The following LRRK2 variants were observed in gnomAD, a reference collection of about 807,000 sequenced individuals.
LRRK2 encodes the protein leucine rich repeat kinase 2, also known as leucine-rich repeat serine/threonine-protein kinase 2.
In LRRK2, 203 loss-of-function variants were observed where a neutral mutation model predicts 302.6. The ratio of observed to expected loss-of-function variants is 0.67; its 90% CI spans 0.60 to 0.75. The LOEUF is 0.75. Ranked by LOEUF, LRRK2 falls within the 30% of genes least tolerant of loss-of-function variation. LRRK2 has a pLI of 0.00. For synonymous variants in LRRK2, 1,066 were observed against 1,031.9 expected (o/e 1.03, Z -0.63); for missense variants, 2,830 against 2,951.0 (o/e 0.96, Z 0.95).
Position 40,235,769 on chromosome 12 carries a change from C to CATTAAGTAA in LRRK2, c.436+58_436+66dup, listed in dbSNP as rs1305677084. The CATTAAGTAA allele has an allele frequency of 2.0e-5, 19 of 942,172 alleles. No homozygotes were observed. The Admixed American group carries it at 3.4e-4, about 17-fold the overall frequency. The allele number at this position is 942,172 out of a possible 1,614,324, so 58.4% of individuals were successfully genotyped here. On this transcript the variant is annotated intron_variant, in intron 4 of 50. Coordinates refer to ENST00000298910, the MANE Select transcript of LRRK2 (RefSeq NM_198578.4). ...TTCAAATTAAAAAAAAAGTTGATACCATTAAGTAAATGTGTGTGTGTGTGT... is the reference window on the plus strand; with the variant it reads ...TTCAAATTAAAAAAAAAGTTGATACCATTAAGTAAATTAAGTAAATGTGTGTGTGTGTGT...
intron 13 of LRRK2, among the ~76,000 whole-genome samples, chr12:40,263,467 C>T (rs1051429383): frequency 8.5e-5 from 13 of 152,152 alleles, no homozygotes; most frequent in African/African-American, 3.1e-4. Flanking sequence ...GCATAAAAAT[C>T]TTCCAGCATC....
At chr12:40,357,655 C>T (rs1946580118) in intron 46 of LRRK2, among the ~76,000 whole-genome samples, 1 of 152,024 alleles carries the variant, frequency 6.6e-6, no homozygotes. Flanking sequence ...AAGAAGATTT[C>T]ATTGTGGTTT....
In LRRK2 at chr12:40,234,093, G is replaced by A. The variant is rs146893743; in HGVS notation, c.348-1533G>A. On this transcript the variant is annotated intron_variant, in intron 3 of 50. Coordinates refer to ENST00000298910, the MANE Select transcript of LRRK2 (RefSeq NM_198578.4). ...TAATAAAGTCAGGAATTGTGGGAAT[G>A]GTATAGGGAGAGGTAGGGGCAGGGT... Among the ~76,000 whole-genome samples the A allele has an allele frequency of 3.4e-3, 521 of 152,280 alleles. 5 individuals carry two copies. Among genetic ancestry groups the A allele is most frequent in the Middle Eastern group, 0.014 (4 of 294 alleles).
intron 12 of LRRK2, among the ~76,000 whole-genome samples, chr12:40,258,801 A>T (rs1323420285): frequency 6.6e-6 from 1 of 152,184 alleles, no homozygotes; most frequent in Non-Finnish European, 1.5e-5. Flanking sequence ...GAAGGAATGT[A>T]TCTCAGTGTC....
chr12:40,235,462 C>T (rs981153163), intron 3 of LRRK2, among the ~76,000 whole-genome samples, 164 bp from the exon 4 acceptor site: 1 of 152,082 alleles, frequency 6.6e-6, no homozygotes, highest in Non-Finnish European at 1.5e-5. Context: ...GGTGACACAG[C>T]AAGACCCTGT....
intron 16 of LRRK2, 25 bp downstream of exon 16, chr12:40,275,018 T>A (rs1248244322): frequency 6.2e-7 from 1 of 1,613,438 alleles, no homozygotes; most frequent in South Asian, 1.1e-5. Flanking sequence ...TTGGAAAGAA[T>A]TTGGGAACTT....
chr12:40,282,681 G>T (rs1943758603), intron 18 of LRRK2, among the ~76,000 whole-genome samples: 1 of 152,144 alleles, frequency 6.6e-6, no homozygotes, highest in African/African-American at 2.4e-5. Flanking sequence ...GCTCTGTAGT[G>T]CTTTGAGGAT....
Position 40,320,071 on chromosome 12 carries a change from A to G in LRRK2, c.4911A>G (p.Lys1637=), listed in dbSNP as rs11176013. The G allele has an allele frequency of 0.56, 896,920 of 1,608,610 alleles. 252,397 individuals carry two copies. The highest frequency in any genetic ancestry group is 0.69 in the South Asian group (62,204 of 90,360). ...GAGATGTGGAAAAATTTCTTTCAAAAAAAAGGAAATTTCCAAAGAACTACA... is the reference window on the plus strand; with the variant it reads ...GAGATGTGGAAAAATTTCTTTCAAAGAAAAGGAAATTTCCAAAGAACTACA... ...SRRDVEKFLS[K]KRKFPKNYMS... Residue 1637 remains lysine (K), a synonymous_variant, in exon 34 of 51, where the codon AAA becomes AAG. Coordinates refer to ENST00000298910, the MANE Select transcript of LRRK2 (RefSeq NM_198578.4).
intron 25 of LRRK2, among the ~76,000 whole-genome samples, chr12:40,301,215 A>G (rs1459482490): frequency 6.6e-6 from 1 of 152,172 alleles, no homozygotes. Flanking sequence ...AGGACCACTA[A>G]CCATTAAAAA....
At chr12:40,333,386 G>T (rs368320892) in intron 39 of LRRK2, among the ~76,000 whole-genome samples, 253 of 152,260 alleles carry the variant, frequency 1.7e-3, no homozygotes, top group African/African-American at 6.0e-3. Context: ...AAGAAGCAGT[G>T]CTTCTGCAGC....
chr12:40,334,488 CAT>C (rs1019134720), intron 39 of LRRK2, among the ~76,000 whole-genome samples: 11 of 152,136 alleles, frequency 7.2e-5, no homozygotes, highest in Admixed American at 2.0e-4. Flanking sequence ...TTGATTAACA[CAT>C]GTTTTATATG....
At chr12:40,303,853 CTT>C in intron 26 of LRRK2, 93 bp from the exon 27 acceptor site, 1 of 1,238,288 alleles carries the variant, frequency 8.1e-7, no homozygotes, top group Non-Finnish European at 1.2e-6. Context: ...TGACGTTACA[CTT>C]TATTCTCACC....
chr12:40,311,289 T>C (rs1319256608), intron 31 of LRRK2, among the ~76,000 whole-genome samples: 1 of 152,188 alleles, frequency 6.6e-6, no homozygotes, highest in Non-Finnish European at 1.5e-5. Flanking sequence ...TTTAAAGTTA[T>C]CTTCTCGTAA....
chr12:40,333,202 T>TA (rs60939227), intron 39 of LRRK2, among the ~76,000 whole-genome samples: 2,329 of 151,948 alleles, frequency 0.015, 60 homozygotes, highest in African/African-American at 0.054. Flanking sequence ...ACATGGGCAT[T>TA]AAAAAAAAGA....
rs979118479 is a variant in LRRK2, at chr12:40,369,129, T to C, written c.*1364T>C. ...AAGGAAGCTATGCTTTAACTTGTTA[T>C]GTAATTAACAAAAAAATCATATATA... On this transcript the variant is annotated 3_prime_UTR_variant, in exon 51 of 51. Transcript: ENST00000298910. 1 of 151,934 alleles carries C rather than the reference T, an allele frequency of 6.6e-6. No individual in the cohort carries two copies. Among genetic ancestry groups the C allele is most frequent in the African/African-American group, 2.4e-5 (1 of 41,422 alleles). 9.4% of individuals were successfully genotyped at this position (151,934 alleles called of 1,614,324 possible).
Position 40,322,037 on chromosome 12 carries a change from C to A in LRRK2, c.5173C>A (p.Arg1725=), listed in dbSNP as rs11564176. The A allele has an allele frequency of 1.1e-5, 17 of 1,612,836 alleles. No homozygotes were observed. Among genetic ancestry groups the A allele is most frequent in the African/African-American group, 1.3e-5 (1 of 74,812 alleles). The part of the protein sequence containing the change: ...ISPYMLSGRE[R]ALRPNRMYWR... ...TAATTAATGGCTCCATTTTTTAGAACGAGCACTTCGCCCAAACAGAATGTA... is the reference window on the plus strand; with the variant it reads ...TAATTAATGGCTCCATTTTTTAGAAAGAGCACTTCGCCCAAACAGAATGTA... Residue 1725 remains arginine (R), a splice_region_variant and synonymous_variant, in exon 36 of 51, where the codon CGA becomes AGA. Coordinates refer to ENST00000298910, the MANE Select transcript of LRRK2 (RefSeq NM_198578.4).
chr12:40,251,573 A>G, intron 10 of LRRK2, 29 bp downstream of exon 10: 1 of 1,545,722 alleles, frequency 6.5e-7, no homozygotes, highest in Non-Finnish European at 8.9e-7. Context: ...ATATGATAGA[A>G]AATTTCAGTT....
Position 40,313,984 on chromosome 12 carries a change from CTTG to C in LRRK2, c.4556_4558del (p.Val1519del). On this transcript the variant is annotated inframe_deletion, in exon 32 of 51. Transcript: ENST00000298910. ...TGTAATTTCATAGATCCGAGATCAGCTTGTTGTTGGACAGCTGATTCCAGACTG... is the reference window on the plus strand; with the variant it reads ...TGTAATTTCATAGATCCGAGATCAGCTTGTTGGACAGCTGATTCCAGACTG... 6.2e-7 allele frequency: 1 copy of C among 1,611,124 alleles called. No homozygotes were observed. Among genetic ancestry groups the C allele is most frequent in the Non-Finnish European group, 8.5e-7 (1 of 1,178,530 alleles).
intron 6 of LRRK2, among the ~76,000 whole-genome samples, chr12:40,241,250 T>C (rs532286711): frequency 2.0e-5 from 3 of 152,250 alleles, no homozygotes; most frequent in Admixed American, 2.0e-4. Context: ...TAAGAGGCAG[T>C]AAATGAGGCC....
Sources: allele counts gnomAD v4.1 joint callset (sites outside exome capture counted in the v4.1 genomes callset), GRCh38; gene constraint gnomAD v4.1.1; transcripts MANE v1.5; gene names NCBI Gene and HGNC (gene_info 2026-07-23, HGNC 2026-07-21).